Variants in SH3RF1 observed in about 807,000 individuals in gnomAD.
SH3RF1 encodes SH3 domain containing ring finger 1.
A neutral mutation model predicts 74.0 loss-of-function variants in SH3RF1; 32 were observed. That is an observed-to-expected ratio of 0.43 (90% CI 0.33 to 0.58). The LOEUF is 0.58. Ranked by LOEUF, SH3RF1 falls within the 20% of genes least tolerant of loss-of-function variation. SH3RF1 has a pLI of 0.05. For missense variants in SH3RF1, 954 were observed against 1,130.9 expected (o/e 0.84, Z 2.24); for synonymous variants, 396 against 439.6 (o/e 0.90, Z 1.24).
At chr4:169,219,875 T>C (rs1203795249) in intron 2 of SH3RF1, 1 of 152,234 alleles carries the variant, frequency 6.6e-6, no homozygotes, top group Non-Finnish European at 1.5e-5. Flanking sequence ...AATGTCATGC[T>C]TTTTATTCCT....
chr4:169,180,636 GT>G (rs1399635770), intron 2 of SH3RF1, among the ~76,000 whole-genome samples: 1 of 152,098 alleles, frequency 6.6e-6, no homozygotes, highest in African/African-American at 2.4e-5. Flanking sequence ...TATTTAATTG[GT>G]TTGGTCTTTG....
chr4:169,127,624 T>C (rs955168797), intron 6 of SH3RF1, among the ~76,000 whole-genome samples: 9 of 152,226 alleles, frequency 5.9e-5, no homozygotes, highest in Non-Finnish European at 1.3e-4. Context: ...ACAGTAGACA[T>C]ACTGTTTAAT....
chr4:169,218,938 C>T (rs995868729), intron 2 of SH3RF1, among the ~76,000 whole-genome samples: 1 of 152,246 alleles, frequency 6.6e-6, no homozygotes, highest in Non-Finnish European at 1.5e-5. Flanking sequence ...AAATAATTTA[C>T]AGTATTTAGC....
At chr4:169,156,129 C>T (rs1734046598) in intron 3 of SH3RF1, among the ~76,000 whole-genome samples, 1 of 152,118 alleles carries the variant, frequency 6.6e-6, no homozygotes, top group African/African-American at 2.4e-5. Context: ...GGTGCATACA[C>T]CCTTTAAAGT....
At chr4:169,104,346 T>A (rs1217377471) in intron 11 of SH3RF1, among the ~76,000 whole-genome samples, 1 of 152,106 alleles carries the variant, frequency 6.6e-6, no homozygotes, top group African/African-American at 2.4e-5. Context: ...AACAAGTAAC[T>A]GGACCAACTC....
At chr4:169,243,561 TAG>T (rs1730948590) in intron 2 of SH3RF1, among the ~76,000 whole-genome samples, 1 of 152,154 alleles carries the variant, frequency 6.6e-6, no homozygotes, top group Non-Finnish European at 1.5e-5. Flanking sequence ...TAGAACTGGA[TAG>T]AATCTTGATT....
At chr4:169,221,311 TA>T (rs951129539) in intron 2 of SH3RF1, among the ~76,000 whole-genome samples, 13 of 148,472 alleles carry the variant, frequency 8.8e-5, no homozygotes, top group Non-Finnish European at 7.5e-5. Context: ...CATCTGAATG[TA>T]AAAAAAAAAT....
intron 2 of SH3RF1, among the ~76,000 whole-genome samples, chr4:169,224,952 G>A (rs1295369360): frequency 1.3e-5 from 2 of 152,194 alleles, no homozygotes; most frequent in South Asian, 2.1e-4. Context: ...GTAACAGGGT[G>A]CCCAAGGGTT....
intron 8 of SH3RF1, among the ~76,000 whole-genome samples, chr4:169,118,235 G>A (rs1384138921): frequency 6.6e-6 from 1 of 152,038 alleles, no homozygotes. Flanking sequence ...ACACATACAC[G>A]CACTAGTGGA....
At chr4:169,104,148 G>C (rs539804396) in intron 11 of SH3RF1, among the ~76,000 whole-genome samples, 2 of 152,314 alleles carry the variant, frequency 1.3e-5, no homozygotes, top group South Asian at 4.1e-4. Flanking sequence ...AATGCACTGG[G>C]GGAGGGAGGC....
intron 4 of SH3RF1, among the ~76,000 whole-genome samples, chr4:169,146,784 G>T (rs1178626506): frequency 2.0e-5 from 3 of 152,062 alleles, no homozygotes; most frequent in Non-Finnish European, 4.4e-5. Flanking sequence ...CAAGGAATAG[G>T]CTTTTGGGGA....
intron 2 of SH3RF1, among the ~76,000 whole-genome samples, chr4:169,177,863 T>C (rs913119005): frequency 1.2e-4 from 18 of 152,088 alleles, no homozygotes; most frequent in African/African-American, 4.1e-4. Flanking sequence ...ATAATATATA[T>C]ATATATGCTC....
chr4:169,249,694 G>C (rs560201390), intron 2 of SH3RF1, among the ~76,000 whole-genome samples: 7 of 152,298 alleles, frequency 4.6e-5, no homozygotes, highest in Admixed American at 3.3e-4. Flanking sequence ...AGCAACAGTA[G>C]GAAGGATACA....
intron 2 of SH3RF1, among the ~76,000 whole-genome samples, chr4:169,265,148 T>C (rs1448162876): frequency 2.6e-5 from 4 of 152,170 alleles, no homozygotes; most frequent in Admixed American, 2.6e-4. Flanking sequence ...TCCCACAAGA[T>C]GGACTATACA....
At chr4:169,235,839 A>T (rs1331659275) in intron 2 of SH3RF1, among the ~76,000 whole-genome samples, 1 of 151,924 alleles carries the variant, frequency 6.6e-6, no homozygotes, top group African/African-American at 2.4e-5. Context: ...CACCACCAGG[A>T]CTGGCTACTT....
At chr4:169,217,413 A>T (rs1730485619) in intron 2 of SH3RF1, 1 of 152,228 alleles carries the variant, frequency 6.6e-6, no homozygotes, top group African/African-American at 2.4e-5. Flanking sequence ...TCACCATCAG[A>T]AATGTGTGTC....
intron 4 of SH3RF1, among the ~76,000 whole-genome samples, chr4:169,149,481 T>C (rs983268070): frequency 6.6e-6 from 1 of 152,272 alleles, no homozygotes; most frequent in East Asian, 1.9e-4. Context: ...AAAAAAAAGC[T>C]ACTCAAAGGC....
chr4:169,247,501 T>C (rs949566673), intron 2 of SH3RF1, among the ~76,000 whole-genome samples: 17 of 152,108 alleles, frequency 1.1e-4, no homozygotes, highest in African/African-American at 4.1e-4. Context: ...AGATGCAGAC[T>C]CCAGACTACC....
chr4:169,227,862 A>C (rs1384673394), intron 2 of SH3RF1, among the ~76,000 whole-genome samples: 1 of 152,226 alleles, frequency 6.6e-6, no homozygotes, highest in Non-Finnish European at 1.5e-5. Flanking sequence ...ACGAGAACAG[A>C]GTTTATTGCA....
Sources: allele counts gnomAD v4.1 joint callset (sites outside exome capture counted in the v4.1 genomes callset), GRCh38; gene constraint gnomAD v4.1.1; transcripts MANE v1.5; gene names NCBI Gene and HGNC (gene_info 2026-07-23, HGNC 2026-07-21).